Variants in YAP1 observed in about 807,000 individuals in gnomAD.
YAP1 encodes the protein transcriptional coactivator YAP1.
Under a neutral mutation model 56.9 loss-of-function variants are expected in YAP1, and 5 were observed. The observed-to-expected ratio is 0.09, with a 90% CI of 0.05 to 0.18. YAP1 has a LOEUF of 0.18. Among genes scored for constraint, YAP1 ranks in the 10% least tolerant of loss-of-function variants. The pLI, the probability that YAP1 is intolerant of heterozygous loss-of-function variation, is 1.00. For missense variants in YAP1, 539 were observed against 651.8 expected, an observed-to-expected ratio of 0.83 and a Z score of 1.88; for synonymous variants, 265 against 248.1, an observed-to-expected ratio of 1.07 and a Z score of -0.64.
chr11:102,169,579 A>C (rs908398046), intron 3 of YAP1, among the ~76,000 whole-genome samples: 3 of 152,224 alleles, frequency 2.0e-5, no homozygotes, highest in African/African-American at 4.8e-5. Flanking sequence ...GTATTTGACT[A>C]GTTACTCTCG....
At chr11:102,215,314 A>G (rs1949606639) in intron 6 of YAP1, among the ~76,000 whole-genome samples, 1 of 152,334 alleles carries the variant, frequency 6.6e-6, no homozygotes, top group South Asian at 2.1e-4. Flanking sequence ...AATCTTCCTT[A>G]AACAAATTGA....
At chr11:102,123,841 G>A (rs1016862248) in intron 2 of YAP1, among the ~76,000 whole-genome samples, 10 of 151,424 alleles carry the variant, frequency 6.6e-5, no homozygotes, top group Admixed American at 3.3e-4. Flanking sequence ...GAGTTTCACC[G>A]TGGTCTCGAT....
intron 2 of YAP1, among the ~76,000 whole-genome samples, chr11:102,136,998 A>C (rs374024800): frequency 1.3e-5 from 2 of 152,328 alleles, no homozygotes; most frequent in East Asian, 3.9e-4. Context: ...AAAGTTCCGC[A>C]AAGGACCTCT....
chr11:102,111,268 G>C, intron 1 of YAP1, 99 bp downstream of exon 1: 1 of 1,451,340 alleles, frequency 6.9e-7, no homozygotes, highest in African/African-American at 1.4e-5. Context: ...AGGGGAGGGG[G>C]GTTGCGGGAA....
intron 2 of YAP1, among the ~76,000 whole-genome samples, chr11:102,122,893 CTCA>C (rs1943755946): frequency 6.8e-5 from 1 of 14,768 alleles, no homozygotes; most frequent in Non-Finnish European, 1.2e-4. Context: ...CGAGACTTCT[CTCA>C]AAAAAAAAAA....
chr11:102,149,367 G>C (rs1369971234), intron 2 of YAP1, among the ~76,000 whole-genome samples: 1 of 152,192 alleles, frequency 6.6e-6, no homozygotes, highest in African/African-American at 2.4e-5. Context: ...ATGTATGCTG[G>C]ATTAGAAATT....
intron 4 of YAP1, 55 bp downstream of exon 4, chr11:102,186,186 T>A (rs1329832498): frequency 6.4e-7 from 1 of 1,568,824 alleles, no homozygotes; most frequent in Non-Finnish European, 8.7e-7. Context: ...ATTTTTTTTG[T>A]AAATATACTT....
At chr11:102,146,091 G>A (rs1945306047) in intron 2 of YAP1, among the ~76,000 whole-genome samples, 1 of 152,196 alleles carries the variant, frequency 6.6e-6, no homozygotes, top group Non-Finnish European at 1.5e-5. Context: ...TATAAGTAAT[G>A]TACTTGGACA....
At chr11:102,221,851 TTA>T (rs1751248596) in intron 6 of YAP1, among the ~76,000 whole-genome samples, 1 of 152,174 alleles carries the variant, frequency 6.6e-6, no homozygotes, top group Non-Finnish European at 1.5e-5. Flanking sequence ...ATGAAAACAT[TTA>T]TATGTTCTAT....
At chr11:102,195,300 A>G (rs758904002) in intron 4 of YAP1, among the ~76,000 whole-genome samples, 1 of 152,178 alleles carries the variant, frequency 6.6e-6, no homozygotes, top group Non-Finnish European at 1.5e-5. Flanking sequence ...TTTTAGCTCC[A>G]TTCATGATTG....
intron 2 of YAP1, among the ~76,000 whole-genome samples, chr11:102,133,371 C>T (rs902062278): frequency 3.9e-5 from 6 of 152,132 alleles, no homozygotes; most frequent in African/African-American, 1.2e-4. Flanking sequence ...TGTCAGCTCA[C>T]TGCAGCCTCC....
intron 3 of YAP1, among the ~76,000 whole-genome samples, chr11:102,183,126 A>T (rs771874752): frequency 1.2e-4 from 19 of 152,220 alleles, no homozygotes; most frequent in Non-Finnish European, 2.5e-4. Flanking sequence ...AGAATGGAAG[A>T]GGAAACTAAT....
At chr11:102,204,210 A>T (rs541702210) in intron 4 of YAP1, among the ~76,000 whole-genome samples, 1 of 151,102 alleles carries the variant, frequency 6.6e-6, no homozygotes, top group South Asian at 2.1e-4. Flanking sequence ...CCTAGGCAAC[A>T]TAGTAAGACA....
At chr11:102,206,672 A>G (rs1246012423) in intron 5 of YAP1, among the ~76,000 whole-genome samples, 2 of 152,080 alleles carry the variant, frequency 1.3e-5, no homozygotes, top group Middle Eastern at 3.2e-3. Flanking sequence ...GCGAAACCCC[A>G]TCTCTACTAA....
At chr11:102,181,059 G>A (rs895780979) in intron 3 of YAP1, among the ~76,000 whole-genome samples, 24 of 151,404 alleles carry the variant, frequency 1.6e-4, no homozygotes, top group African/African-American at 5.6e-4. Context: ...GAGGCAGGAG[G>A]TCACTTGAGC....
chr11:102,117,814 T>A (rs951203102), intron 2 of YAP1, among the ~76,000 whole-genome samples: 2 of 152,238 alleles, frequency 1.3e-5, no homozygotes, highest in African/African-American at 4.8e-5. Flanking sequence ...TATTCAAAAC[T>A]ATTTTCTTTA....
At chr11:102,121,438 C>A (rs201548811) in intron 2 of YAP1, among the ~76,000 whole-genome samples, 159 of 144,404 alleles carry the variant, frequency 1.1e-3, no homozygotes, top group South Asian at 2.2e-3. Context: ...GACCTTGTCT[C>A]AAAAAAAAAA....
intron 2 of YAP1, among the ~76,000 whole-genome samples, chr11:102,121,355 A>G (rs922782978): frequency 6.6e-6 from 1 of 151,120 alleles, no homozygotes; most frequent in African/African-American, 2.4e-5. Flanking sequence ...TGGGAGAATC[A>G]CCTGAGCCTG....
chr11:102,143,531 C>T (rs1945140429), intron 2 of YAP1, among the ~76,000 whole-genome samples: 1 of 152,170 alleles, frequency 6.6e-6, no homozygotes, highest in Non-Finnish European at 1.5e-5. Flanking sequence ...AGCACACCCC[C>T]CATATCTGCC....
Sources: gnomAD v4.1 joint callset for allele counts (sites outside exome capture counted in the v4.1 genomes callset) on GRCh38, gnomAD v4.1.1 for gene constraint, MANE v1.5 for transcripts, NCBI Gene and HGNC (gene_info 2026-07-23, HGNC 2026-07-21) for gene names.